Variants in ZFHX4 observed in about 807,000 individuals in gnomAD.
ZFHX4 encodes zinc finger homeobox 4.
In ZFHX4, 56 loss-of-function variants were observed where a neutral mutation model predicts 267.6. The observed-to-expected ratio is 0.21, with a 90% CI of 0.17 to 0.26. The LOEUF (loss-of-function observed/expected upper bound fraction) is 0.26. Ranked by LOEUF, ZFHX4 falls within the 10% of genes least tolerant of loss-of-function variation. The pLI is 1.00. For synonymous variants in ZFHX4, 1,778 were observed against 1,665.6 expected, an observed-to-expected ratio of 1.07 and a Z score of -1.64; for missense variants, 4,332 against 4,420.0, an observed-to-expected ratio of 0.98 and a Z score of 0.56.
intron 4 of ZFHX4, among the ~76,000 whole-genome samples, chr8:76,832,458 T>C (rs994242799): frequency 2.0e-5 from 3 of 152,142 alleles, no homozygotes; most frequent in Non-Finnish European, 4.4e-5. Context: ...GATTCTATTT[T>C]CTAAAAAGAT....
At chr8:76,742,258 C>T (rs577158294) in intron 3 of ZFHX4, among the ~76,000 whole-genome samples, 3 of 152,266 alleles carry the variant, frequency 2.0e-5, no homozygotes, top group Admixed American at 2.0e-4. Context: ...CTTTGACCAC[C>T]TTCTCTGGTT....
In ZFHX4 at chr8:76,706,247, C is replaced by T; in HGVS notation, c.2159C>T (p.Ser720Leu). Reference protein sequence around the residue: ...TKGNLSIHMQSDKHLNNVQNL... With the variant: ...TKGNLSIHMQLDKHLNNVQNL... ...GGCAACCTCAGTATTCATATGCAGT[C>T]GGACAAGCACCTGAACAATGTTCAG... Residue 720 changes from serine to leucine, a missense_variant, in exon 2 of 11, where the codon TCG (serine) becomes TTG (leucine). Transcript: ENST00000651372. 1 of 1,614,050 alleles carries T rather than the reference C, an allele frequency of 6.2e-7. No individual in the cohort carries two copies.
chr8:76,785,149 T>C (rs1468437866), intron 4 of ZFHX4, among the ~76,000 whole-genome samples: 4 of 152,120 alleles, frequency 2.6e-5, no homozygotes, highest in African/African-American at 9.7e-5. Context: ...TGTAAAGCTG[T>C]ATCCCCCTAG....
At chr8:76,814,018 T>C (rs1158964793) in intron 4 of ZFHX4, among the ~76,000 whole-genome samples, 1 of 152,188 alleles carries the variant, frequency 6.6e-6, no homozygotes, top group Non-Finnish European at 1.5e-5. Context: ...CATGTCCATG[T>C]AGTTTGACAA....
rs1326559065 is a variant in ZFHX4, at chr8:76,867,130, G to T, written c.*2565G>T. The stretch of plus-strand genomic sequence containing the variant: ...TGCACCGTATTACGGTAAATAACAT[G>T]GTTTTGAAAACTTTTTTTTATTTTG... On this transcript the variant is annotated 3_prime_UTR_variant, in exon 11 of 11. Transcript: ENST00000651372. The T allele has an allele frequency of 6.6e-6, 1 of 152,472 alleles. No individual in the cohort carries two copies. Among genetic ancestry groups the T allele is most frequent in the Non-Finnish European group, 1.5e-5 (1 of 68,008 alleles). The allele number at this position is 152,472 out of a possible 1,614,324, so 9.4% of individuals were successfully genotyped here. A position where few individuals can be genotyped will look rare whatever the true frequency, so the allele number is the denominator to read the frequency against.
intron 3 of ZFHX4, among the ~76,000 whole-genome samples, chr8:76,756,379 T>C (rs994804145): frequency 9.9e-5 from 15 of 151,208 alleles, no homozygotes; most frequent in South Asian, 4.2e-4. Context: ...TCAAGACACA[T>C]TTTTTTTTAA....
At position 76,866,780 on chromosome 8, in the gene ZFHX4, G is replaced by T. The variant is rs1487640037; in HGVS notation, c.*2215G>T. The T allele has an allele frequency of 6.9e-6, 1 of 144,372 alleles. No individual in the cohort carries two copies. Among genetic ancestry groups the T allele is most frequent in the Non-Finnish European group, 1.5e-5 (1 of 66,816 alleles). The allele number at this position is 144,372 out of a possible 1,614,324, so 8.9% of individuals were successfully genotyped here. On this transcript the variant is annotated 3_prime_UTR_variant, in exon 11 of 11. Coordinates refer to ENST00000651372, the MANE Select transcript of ZFHX4 (RefSeq NM_024721.5). The stretch of plus-strand genomic sequence containing the variant: ...TGTGTCGACATAAACTTTTACAACT[G>T]CACAGCAGCCAAAAAAAGAAAAAAA...
At chr8:76,848,380 A>G (rs1812418107) in intron 6 of ZFHX4, among the ~76,000 whole-genome samples, 2 of 152,152 alleles carry the variant, frequency 1.3e-5, no homozygotes, top group African/African-American at 4.8e-5. Flanking sequence ...ACCTCATAAA[A>G]CCATTGTCTT....
intron 3 of ZFHX4, among the ~76,000 whole-genome samples, chr8:76,726,259 A>G (rs1201432885): frequency 2.0e-5 from 3 of 152,152 alleles, no homozygotes; most frequent in Non-Finnish European, 4.4e-5. Context: ...TGTAATGCAG[A>G]CTGCAAGTTC....
rs147471160 is a variant in ZFHX4, at chr8:76,860,946, A to G, written c.9380-2148A>G. On this transcript the variant is annotated intron_variant, in intron 10 of 10. Transcript: ENST00000651372. Reference sequence around the variant, plus strand: ...CAAGTGGAAACGCAATCCCAGACATAGAACTGTAGGAATAAAGGCAAGGGA... The same window carrying G: ...CAAGTGGAAACGCAATCCCAGACATGGAACTGTAGGAATAAAGGCAAGGGA... Among the ~76,000 whole-genome samples the G allele has an allele frequency of 3.5e-3, 537 of 152,272 alleles. 2 individuals carry two copies. Among genetic ancestry groups the G allele is most frequent in the East Asian group, 0.014 (75 of 5,182 alleles).
At chr8:76,780,836 T>C (rs150639121) in intron 4 of ZFHX4, among the ~76,000 whole-genome samples, 2 of 152,260 alleles carry the variant, frequency 1.3e-5, no homozygotes, top group East Asian at 3.9e-4. Context: ...CCTGTTGTCT[T>C]TCTTTCCAAT....
intron 3 of ZFHX4, among the ~76,000 whole-genome samples, chr8:76,717,213 A>G (rs1044437867): frequency 1.3e-5 from 2 of 152,162 alleles, no homozygotes; most frequent in African/African-American, 4.8e-5. Context: ...TCTTAATTTT[A>G]TCTTCTACAT....
At chr8:76,730,297 G>C (rs1034026322) in intron 3 of ZFHX4, among the ~76,000 whole-genome samples, 1 of 152,132 alleles carries the variant, frequency 6.6e-6, no homozygotes, top group Admixed American at 6.6e-5. Flanking sequence ...TGACTGAAGA[G>C]TTTTAAACTC....
chr8:76,766,227 G>A (rs1810047808), intron 3 of ZFHX4, among the ~76,000 whole-genome samples: 1 of 150,400 alleles, frequency 6.6e-6, no homozygotes, highest in Non-Finnish European at 1.5e-5. Flanking sequence ...ATTTTATATA[G>A]GTAATTGGGC....
At position 76,863,521 on chromosome 8, in the gene ZFHX4, G is replaced by A; in HGVS notation, c.9807G>A (p.Gly3269=). 1 of 1,613,456 alleles carries A rather than the reference G, an allele frequency of 6.2e-7. No homozygotes were observed. Among genetic ancestry groups the A allele is most frequent in the Non-Finnish European group, 8.5e-7 (1 of 1,179,742 alleles). The change falls in exon 11 of 11, where the codon GGG becomes GGA. Residue 3269 remains glycine, a synonymous_variant. Transcript: ENST00000651372. ...GGQFLPYFIP[G]FASYFTPQLP... is the part of the protein sequence containing the mutation. ...AGTTCTTGCCATACTTTATCCCTGGGTTTGCTTCTTATTTTACACCTCAGC... is the reference window on the plus strand; with the variant it reads ...AGTTCTTGCCATACTTTATCCCTGGATTTGCTTCTTATTTTACACCTCAGC...
chr8:76,787,848 A>G (rs999059338), intron 4 of ZFHX4, among the ~76,000 whole-genome samples: 1 of 151,782 alleles, frequency 6.6e-6, no homozygotes, highest in African/African-American at 2.4e-5. Flanking sequence ...TGAAAGCATG[A>G]GCCAGGCTTA....
intron 4 of ZFHX4, among the ~76,000 whole-genome samples, chr8:76,814,599 ATAGTT>A (rs1811456591): frequency 6.6e-6 from 1 of 152,206 alleles, no homozygotes; most frequent in Non-Finnish European, 1.5e-5. Context: ...TTAGAAAAAT[ATAGTT>A]TGATATATAC....
At chr8:76,755,900 C>T (rs1181788059) in intron 3 of ZFHX4, among the ~76,000 whole-genome samples, 1 of 152,108 alleles carries the variant, frequency 6.6e-6, no homozygotes, top group Non-Finnish European at 1.5e-5. Context: ...AGGTCATTCT[C>T]TTCTCTCTGT....
At chr8:76,761,666 G>A (rs564939555) in intron 3 of ZFHX4, among the ~76,000 whole-genome samples, 8 of 152,222 alleles carry the variant, frequency 5.3e-5, no homozygotes, top group African/African-American at 1.9e-4. Context: ...CAATACATGT[G>A]TTTTAAAATA....
Sources: gnomAD v4.1 joint callset for allele counts (sites outside exome capture counted in the v4.1 genomes callset) on GRCh38, gnomAD v4.1.1 for gene constraint, MANE v1.5 for transcripts, NCBI Gene and HGNC (gene_info 2026-07-23, HGNC 2026-07-21) for gene names.